FIGLA: variants seen among roughly 807,000 people sequenced by gnomAD.
FIGLA encodes the protein folliculogenesis specific bHLH transcription factor.
Under a neutral mutation model 21.5 loss-of-function variants are expected in FIGLA, and 17 were observed. The observed-to-expected ratio is 0.79, with a 90% confidence interval of 0.54 to 1.19. FIGLA has a LOEUF of 1.19. Ranked by LOEUF, FIGLA falls within the 50% of genes most tolerant of loss-of-function variation. The pLI is 0.00. For synonymous variants in FIGLA, 129 were observed against 117.6 expected, an observed-to-expected ratio of 1.10 and a Z score of -0.63; for missense variants, 282 against 285.0, an observed-to-expected ratio of 0.99 and a Z score of 0.08.
At chr2:70,781,108 G>A (rs1463184949) in intron 3 of FIGLA, among the ~76,000 whole-genome samples, 2 of 152,188 alleles carry the variant, frequency 1.3e-5, no homozygotes, top group Non-Finnish European at 2.9e-5. Context: ...GCGAGAGCAG[G>A]GAGAGGAGGA....
At chr2:70,780,201 T>A (rs958911558) in intron 3 of FIGLA, among the ~76,000 whole-genome samples, 1 of 152,164 alleles carries the variant, frequency 6.6e-6, no homozygotes, top group Non-Finnish European at 1.5e-5. Context: ...CCAGGAATGT[T>A]GTTGATCTTG....
intron 1 of FIGLA, among the ~76,000 whole-genome samples, chr2:70,790,050 G>A (rs1017281333): frequency 1.3e-5 from 2 of 152,228 alleles, no homozygotes; most frequent in African/African-American, 4.8e-5. Flanking sequence ...AGCGCCTACG[G>A]TGTGAGATGA....
chr2:70,787,517 G>T, intron 2 of FIGLA, 132 bp downstream of exon 2: 1 of 950,772 alleles, frequency 1.1e-6, no homozygotes. Context: ...GTCAAATAAG[G>T]GTCATAAAAA....
chr2:70,790,332 C>A, intron 1 of FIGLA, 76 bp downstream of exon 1: 2 of 1,393,330 alleles, frequency 1.4e-6, no homozygotes, highest in Non-Finnish European at 1.9e-6. Context: ...GGTGAGCGGA[C>A]CCCCGGGTGT....
At position 70,787,688 on chromosome 2, in the gene FIGLA, C is replaced by T; in HGVS notation, c.345G>A (p.Gln115=). 1 of 1,594,278 alleles carries T rather than the reference C, an allele frequency of 6.3e-7. No homozygotes were observed. Among genetic ancestry groups the T allele is most frequent in the Non-Finnish European group, 8.5e-7 (1 of 1,170,004 alleles). The change falls in exon 2 of 5, where the codon CAG becomes CAA. Residue 115 remains glutamine (Q), a synonymous_variant. Transcript: ENST00000332372. ...DILKGATEYI[Q]VLSDLLEGAK... is the part of the protein sequence containing the mutation. ...CTCCTTCCAAAAGATCACTGAGAAC[C>T]TGTATATATTCAGTCGCACCTTTAA...
chr2:70,780,911 T>C (rs550136234), intron 3 of FIGLA, among the ~76,000 whole-genome samples: 1 of 151,542 alleles, frequency 6.6e-6, no homozygotes, highest in East Asian at 1.9e-4. Flanking sequence ...ACATGGGGGG[T>C]GTGGTCCAGT....
intron 3 of FIGLA, among the ~76,000 whole-genome samples, chr2:70,784,611 C>T (rs1360896712): frequency 1.3e-5 from 2 of 152,170 alleles, no homozygotes; most frequent in East Asian, 1.9e-4. Flanking sequence ...CTCAACTGCT[C>T]GCCTCAACTG....
At chr2:70,784,274 G>A (rs114399995) in intron 3 of FIGLA, among the ~76,000 whole-genome samples, 115 of 152,216 alleles carry the variant, frequency 7.6e-4, no homozygotes, top group African/African-American at 2.7e-3. Context: ...ACATTGGTGA[G>A]AGCCAAGTGA....
rs782097346 is a variant in FIGLA at position 70,785,426 on chromosome 2, T to C, written c.598A>G (p.Thr200Ala). ...VMSTTEIISP[T>A]RSLDRFPEVE... is the part of the protein sequence containing the mutation. ...AAGGAATATTTTACCAGACTTCTGG[T>C]TGGGGAGATAATTTCAGTCGTAGAC... The change falls in exon 3 of 5, where the codon ACC becomes GCC. Residue 200 changes from threonine to alanine, a missense_variant. Coordinates refer to ENST00000332372, the MANE Select transcript of FIGLA (RefSeq NM_001004311.3). 6.1e-5 allele frequency: 99 copies of C among 1,610,566 alleles called. No individual in the cohort carries two copies. The highest frequency in any genetic ancestry group is 8.0e-5 in the Non-Finnish European group (94 of 1,177,166).
intron 1 of FIGLA, 83 bp downstream of exon 1, chr2:70,790,325 G>T (rs1473290492): frequency 7.3e-7 from 1 of 1,374,490 alleles, no homozygotes; most frequent in Non-Finnish European, 9.5e-7. Flanking sequence ...GGTGGGCGGT[G>T]AGCGGACCCC....
intron 3 of FIGLA, among the ~76,000 whole-genome samples, chr2:70,779,560 AT>A (rs1675818909): frequency 1.3e-5 from 2 of 152,206 alleles, no homozygotes; most frequent in African/African-American, 4.8e-5. Flanking sequence ...AATTTCACAG[AT>A]TACCGCAACT....
intron 3 of FIGLA, among the ~76,000 whole-genome samples, chr2:70,782,547 T>C (rs1675873883): frequency 6.6e-6 from 1 of 152,224 alleles, no homozygotes; most frequent in Admixed American, 6.5e-5. Flanking sequence ...GAAACTTGAA[T>C]GGGACCTGAG....
intron 2 of FIGLA, among the ~76,000 whole-genome samples, chr2:70,785,939 C>T (rs1301834851): frequency 1.3e-5 from 2 of 152,168 alleles, no homozygotes; most frequent in Non-Finnish European, 2.9e-5. Context: ...ACTAAGGTAG[C>T]CACCTACACA....
intron 3 of FIGLA, among the ~76,000 whole-genome samples, chr2:70,778,528 T>C (rs1218151095): frequency 1.3e-5 from 2 of 152,220 alleles, no homozygotes; most frequent in South Asian, 2.1e-4. Flanking sequence ...GAATTTTTTA[T>C]ACTTGAGACA....
At chr2:70,787,386 C>T (rs782212985) in intron 2 of FIGLA, among the ~76,000 whole-genome samples, 20 of 152,184 alleles carry the variant, frequency 1.3e-4, no homozygotes, top group African/African-American at 4.1e-4. Flanking sequence ...TGGATAGTGA[C>T]CATAGGCAAG....
intron 3 of FIGLA, among the ~76,000 whole-genome samples, chr2:70,784,945 C>CAAA (rs35547757): frequency 1.6e-4 from 23 of 139,404 alleles, no homozygotes; most frequent in African/African-American, 3.9e-4. Flanking sequence ...CCCCCCACCA[C>CAAA]AAAAAAAAAA....
At chr2:70,780,061 G>A (rs892230430) in intron 3 of FIGLA, among the ~76,000 whole-genome samples, 3 of 152,120 alleles carry the variant, frequency 2.0e-5, no homozygotes, top group East Asian at 3.9e-4. Flanking sequence ...CATGGCTCAC[G>A]GCCCTCTCTG....
intron 3 of FIGLA, 44 bp downstream of exon 3, chr2:70,785,371 A>T: frequency 2.1e-6 from 3 of 1,419,352 alleles, no homozygotes; most frequent in Non-Finnish European, 2.9e-6. Flanking sequence ...TATACATTTT[A>T]AGGTTCTGAT....
chr2:70,788,251 A>T (rs1196283594), intron 1 of FIGLA, among the ~76,000 whole-genome samples: 1 of 152,228 alleles, frequency 6.6e-6, no homozygotes, highest in African/African-American at 2.4e-5. Flanking sequence ...ATTAAGTGAT[A>T]TAATGTACAA....
Sources: allele counts gnomAD v4.1 joint callset (sites outside exome capture counted in the v4.1 genomes callset), GRCh38; gene constraint gnomAD v4.1.1; transcripts MANE v1.5; gene names NCBI Gene and HGNC (gene_info 2026-07-23, HGNC 2026-07-21).